The following CTNNA3 variants were observed in gnomAD, a reference collection of about 807,000 sequenced individuals.
CTNNA3 encodes catenin alpha-3.
A neutral mutation model predicts 95.7 loss-of-function variants in CTNNA3; 76 were observed. The ratio of observed to expected loss-of-function variants is 0.79; its 90% CI spans 0.66 to 0.96. CTNNA3 has a LOEUF of 0.96. CTNNA3 is among the 40% of genes least tolerant of loss of function. CTNNA3 has a pLI of 0.00. For synonymous variants in CTNNA3, 431 were observed against 374.4 expected (o/e 1.15, Z -1.74); for missense variants, 1,191 against 1,089.8 (o/e 1.09, Z -1.31).
At chr10:67,009,563 G>T (rs1383146717) in intron 7 of CTNNA3, among the ~76,000 whole-genome samples, 5 of 151,660 alleles carry the variant, frequency 3.3e-5, no homozygotes, top group Admixed American at 6.6e-5. Flanking sequence ...ATCATATCTA[G>T]TATAATTTCC....
intron 12 of CTNNA3, among the ~76,000 whole-genome samples, chr10:66,309,950 T>TAAATAAATA (rs2091993565): frequency 1.9e-5 from 2 of 104,992 alleles, no homozygotes; most frequent in East Asian, 3.1e-4. Flanking sequence ...AATAAATAAA[T>TAAATAAATA]AAATAAAATA....
At chr10:67,187,499 G>T (rs897805619) in intron 6 of CTNNA3, among the ~76,000 whole-genome samples, 3 of 151,952 alleles carry the variant, frequency 2.0e-5, no homozygotes, top group African/African-American at 7.2e-5. Flanking sequence ...CTTCAAGGAA[G>T]ACATAGTCTT....
At chr10:67,405,799 A>C (rs1332734714) in intron 5 of CTNNA3, among the ~76,000 whole-genome samples, 1 of 152,224 alleles carries the variant, frequency 6.6e-6, no homozygotes, top group Non-Finnish European at 1.5e-5. Context: ...TCACATAATC[A>C]GAAGTAAAAC....
intron 11 of CTNNA3, among the ~76,000 whole-genome samples, chr10:66,489,151 A>G (rs944607645): frequency 3.3e-5 from 5 of 152,168 alleles, no homozygotes; most frequent in Non-Finnish European, 7.4e-5. Flanking sequence ...GAACTGACTG[A>G]TATCTACTCG....
intron 14 of CTNNA3, among the ~76,000 whole-genome samples, chr10:66,085,199 T>A (rs559708629): frequency 4.7e-4 from 71 of 152,262 alleles, no homozygotes; most frequent in Non-Finnish European, 9.3e-4. Context: ...ATATTCATTT[T>A]GAAACAATAT....
In CTNNA3 at chr10:67,473,273, G is replaced by A. The variant is rs560586796; in HGVS notation, c.579+48569C>T. On this transcript the variant is annotated intron_variant, in intron 5 of 17. Transcript: ENST00000433211. The stretch of plus-strand genomic sequence containing the variant: ...TTCCAGGATTTTCAAAGATTCCCAG[G>A]AGCTTTACACTCTCAGGACACCTCT... Among the ~76,000 whole-genome samples, 10 of 152,050 alleles carry A rather than the reference G, an allele frequency of 6.6e-5. 1 individual carries two copies. The South Asian group carries it at 2.1e-3, about 32-fold the overall frequency.
intron 5 of CTNNA3, among the ~76,000 whole-genome samples, chr10:67,504,176 G>A (rs1276324407): frequency 2.8e-5 from 4 of 142,764 alleles, no homozygotes; most frequent in Admixed American, 7.2e-5. Flanking sequence ...AAAACAGGTC[G>A]GTGCCAAGGC....
chr10:65,971,103 T>C (rs758505242), intron 16 of CTNNA3, among the ~76,000 whole-genome samples: 27 of 151,916 alleles, frequency 1.8e-4, no homozygotes, highest in Middle Eastern at 6.8e-3. Flanking sequence ...CAAAAAATTC[T>C]TTGAAATAAA....
At chr10:65,939,414 C>A (rs2077394471) in intron 17 of CTNNA3, among the ~76,000 whole-genome samples, 1 of 152,144 alleles carries the variant, frequency 6.6e-6, no homozygotes, top group Non-Finnish European at 1.5e-5. Flanking sequence ...TCCACAGACC[C>A]TTTAAAATCA....
intron 10 of CTNNA3, among the ~76,000 whole-genome samples, chr10:66,610,981 A>C (rs188751809): frequency 1.1e-4 from 17 of 152,250 alleles, no homozygotes; most frequent in Non-Finnish European, 2.5e-4. Flanking sequence ...GCCACAAAAA[A>C]ATGAAATCCT....
chr10:66,309,954 TAAAATA>T (rs1168470456), intron 12 of CTNNA3, among the ~76,000 whole-genome samples: 4 of 121,358 alleles, frequency 3.3e-5, no homozygotes, highest in Admixed American at 3.3e-4. Flanking sequence ...AATAAATAAA[TAAAATA>T]AAAATAAAAA....
chr10:66,862,807 G>A (rs530350773), intron 7 of CTNNA3, among the ~76,000 whole-genome samples: 27 of 152,104 alleles, frequency 1.8e-4, no homozygotes, highest in Admixed American at 2.6e-4. Flanking sequence ...GTTACTGGCC[G>A]AGATTAATAT....
intron 13 of CTNNA3, among the ~76,000 whole-genome samples, chr10:66,137,161 G>C (rs1437871488): frequency 1.3e-5 from 2 of 152,094 alleles, no homozygotes; most frequent in African/African-American, 4.8e-5. Context: ...AACTAGCTCA[G>C]AGACTTCTTG....
At chr10:67,490,133 C>T (rs910097661) in intron 5 of CTNNA3, among the ~76,000 whole-genome samples, 5 of 152,094 alleles carry the variant, frequency 3.3e-5, no homozygotes, top group Admixed American at 6.6e-5. Context: ...GAAACTGATG[C>T]GAAATCTCAT....
chr10:66,483,962 A>C (rs1020822711), intron 11 of CTNNA3, among the ~76,000 whole-genome samples: 2 of 152,174 alleles, frequency 1.3e-5, no homozygotes, highest in African/African-American at 4.8e-5. Context: ...GTACTACAAT[A>C]CTTTTTCCCC....
intron 11 of CTNNA3, among the ~76,000 whole-genome samples, chr10:66,461,631 G>A (rs987703976): frequency 8.7e-5 from 13 of 150,042 alleles, no homozygotes; most frequent in African/African-American, 2.9e-4. Flanking sequence ...ATAATAAGGA[G>A]ATATCATTAT....
chr10:67,584,854 G>A (rs546657977), intron 3 of CTNNA3, among the ~76,000 whole-genome samples: 2 of 152,354 alleles, frequency 1.3e-5, no homozygotes, highest in Admixed American at 1.3e-4. Context: ...ATGGGCATGG[G>A]ACCCTGTGAG....
At chr10:67,051,535 C>A (rs1333291024) in intron 7 of CTNNA3, among the ~76,000 whole-genome samples, 1 of 150,790 alleles carries the variant, frequency 6.6e-6, no homozygotes, top group African/African-American at 2.4e-5. Context: ...TCTCGGCTCA[C>A]TGCAACCTCC....
chr10:66,300,491 G>C (rs932668290), intron 12 of CTNNA3, among the ~76,000 whole-genome samples: 14 of 151,764 alleles, frequency 9.2e-5, no homozygotes, highest in African/African-American at 2.9e-4. Flanking sequence ...AAGAAACATG[G>C]CAAGTACTGT....
Sources: gnomAD v4.1 joint callset for allele counts (sites outside exome capture counted in the v4.1 genomes callset) on GRCh38, gnomAD v4.1.1 for gene constraint, MANE v1.5 for transcripts, NCBI Gene and HGNC (gene_info 2026-07-23, HGNC 2026-07-21) for gene names.